Variants in NTNG1 observed in about 807,000 individuals in gnomAD.
NTNG1 encodes netrin-G1.
NTNG1 carries 16 observed loss-of-function variants against 54.0 expected under a neutral mutation model. The ratio of observed to expected loss-of-function variants is 0.30; its 90% confidence interval spans 0.20 to 0.45. NTNG1 has a LOEUF of 0.45. NTNG1 is among the 20% of genes least tolerant of loss of function. The pLI, the probability that NTNG1 is intolerant of heterozygous loss-of-function variation, is 1.00. For synonymous variants in NTNG1, 255 were observed against 263.1 expected (o/e 0.97, Z 0.30); for missense variants, 530 against 678.7 (o/e 0.78, Z 2.43).
intron 1 of NTNG1, among the ~76,000 whole-genome samples, chr1:107,141,735 G>C (rs776827736): frequency 6.6e-6 from 1 of 152,134 alleles, no homozygotes; most frequent in Admixed American, 6.5e-5. Flanking sequence ...TGTTGTGTCC[G>C]GAGCCCAGGC....
chr1:107,248,648 C>T (rs1401723434), intron 2 of NTNG1, among the ~76,000 whole-genome samples: 1 of 152,110 alleles, frequency 6.6e-6, no homozygotes, highest in Admixed American at 6.6e-5. Flanking sequence ...ATTAACCTGT[C>T]GGTTACTATA....
intron 2 of NTNG1, among the ~76,000 whole-genome samples, chr1:107,192,530 C>T (rs901450491): frequency 2.0e-5 from 3 of 152,028 alleles, no homozygotes; most frequent in Non-Finnish European, 4.4e-5. Context: ...GATTCTTTGC[C>T]AGGTTAACCC....
rs574216966 is a variant in NTNG1 at position 107,179,987 on chromosome 1, A to G, written c.246+31148A>G. On this transcript the variant is annotated intron_variant, in intron 2 of 7. Transcript: ENST00000370068. ...TCCACTTTAAAACTCCGGTGTACAC[A>G]CAGGAGCCTTAAATTTGCCCAATTA... Among the ~76,000 whole-genome samples the G allele has an allele frequency of 8.5e-5, 13 of 152,282 alleles. No individual in the cohort carries two copies. In the South Asian group the frequency reaches 2.1e-3, roughly 24 times the overall value.
At chr1:107,310,289 A>G (rs956880951) in intron 2 of NTNG1, among the ~76,000 whole-genome samples, 16 of 152,176 alleles carry the variant, frequency 1.1e-4, no homozygotes, top group African/African-American at 3.9e-4. Context: ...TTATCAAAGT[A>G]GCCCTCTATA....
intron 2 of NTNG1, among the ~76,000 whole-genome samples, chr1:107,290,055 C>A (rs1665481260): frequency 6.6e-6 from 1 of 152,126 alleles, no homozygotes; most frequent in African/African-American, 2.4e-5. Context: ...TATTTCTCTG[C>A]CATATGTATT....
chr1:107,191,356 AT>A (rs1287333437), intron 2 of NTNG1, among the ~76,000 whole-genome samples: 1 of 151,834 alleles, frequency 6.6e-6, no homozygotes, highest in Non-Finnish European at 1.5e-5. Context: ...GGTTGCAAAA[AT>A]TTTCTCCCAT....
chr1:107,307,689 T>C (rs1666770469), intron 2 of NTNG1, among the ~76,000 whole-genome samples: 1 of 152,238 alleles, frequency 6.6e-6, no homozygotes, highest in Non-Finnish European at 1.5e-5. Flanking sequence ...ACTCCATCTT[T>C]GTCCAGTGCT....
At chr1:107,251,884 A>G (rs1333433917) in intron 2 of NTNG1, among the ~76,000 whole-genome samples, 1 of 152,252 alleles carries the variant, frequency 6.6e-6, no homozygotes, top group Non-Finnish European at 1.5e-5. Context: ...TGCTGTTCCT[A>G]TAATCTGTGG....
chr1:107,457,605 A>G (rs1273999907), intron 7 of NTNG1, among the ~76,000 whole-genome samples: 1 of 152,168 alleles, frequency 6.6e-6, no homozygotes, highest in African/African-American at 2.4e-5. Context: ...CCTTTTATTA[A>G]TGATCTAGAA....
chr1:107,275,093 T>C (rs1190363020), intron 2 of NTNG1, among the ~76,000 whole-genome samples: 1 of 152,116 alleles, frequency 6.6e-6, no homozygotes. Context: ...AAGAGATTAA[T>C]TGGCCGGGCA....
At chr1:107,310,896 T>G (rs1666972431) in intron 2 of NTNG1, among the ~76,000 whole-genome samples, 1 of 151,944 alleles carries the variant, frequency 6.6e-6, no homozygotes, top group African/African-American at 2.4e-5. Flanking sequence ...AGACTAGCAA[T>G]ACAAACCTAC....
intron 2 of NTNG1, among the ~76,000 whole-genome samples, chr1:107,187,427 C>A (rs1657546925): frequency 6.6e-6 from 1 of 152,104 alleles, no homozygotes; most frequent in South Asian, 2.1e-4. Context: ...AAGTTGCAAA[C>A]AGTTTAACAA....
intron 1 of NTNG1, among the ~76,000 whole-genome samples, chr1:107,145,250 T>A (rs1654020517): frequency 6.6e-6 from 1 of 152,098 alleles, no homozygotes; most frequent in South Asian, 2.1e-4. Context: ...CATCATTGTA[T>A]TTTCTTTGAA....
At chr1:107,465,115 AACCCAGGTTATTTCCAATT>A (rs1410234347) in intron 7 of NTNG1, among the ~76,000 whole-genome samples, 3 of 152,202 alleles carry the variant, frequency 2.0e-5, no homozygotes, top group Non-Finnish European at 4.4e-5. Context: ...CGTTAATGAA[AACCCAGGTTATTTCCAATT>A]ACAGTCTCAG....
At chr1:107,202,532 CTT>C (rs1415242447) in intron 2 of NTNG1, among the ~76,000 whole-genome samples, 1 of 151,552 alleles carries the variant, frequency 6.6e-6, no homozygotes, top group African/African-American at 2.4e-5. Context: ...TATTTTATTT[CTT>C]TGTTTGCTTT....
chr1:107,290,984 T>TATATTATATATATATATATATATACACAC (rs1160371267), intron 2 of NTNG1, among the ~76,000 whole-genome samples: 1 of 140,024 alleles, frequency 7.1e-6, no homozygotes, highest in African/African-American at 2.8e-5. Flanking sequence ...TATATATATA[T>TATATTATATATATATATATATATACACAC]ACACACACAC....
intron 2 of NTNG1, among the ~76,000 whole-genome samples, chr1:107,273,590 C>G (rs920570552): frequency 6.6e-6 from 1 of 152,186 alleles, no homozygotes; most frequent in Non-Finnish European, 1.5e-5. Flanking sequence ...CCACAGAATG[C>G]CTCATGCGGT....
In NTNG1 at chr1:107,205,628, A is replaced by T. The variant is rs550521022; in HGVS notation, c.246+56789A>T. On this transcript the variant is annotated intron_variant, in intron 2 of 7. Transcript: ENST00000370068. ...AGTGTATAAAGCAGACTTTTTTTTT[A>T]AAAAAAACTATATAATCCGTCTAAC... Among the ~76,000 whole-genome samples, 445 of 146,902 alleles carry T rather than the reference A, an allele frequency of 3.0e-3. 6 individuals are homozygous for T. Among genetic ancestry groups the T allele is most frequent in the African/African-American group, 0.011 (430 of 39,446 alleles).
At chr1:107,160,880 C>T (rs1655350732) in intron 2 of NTNG1, among the ~76,000 whole-genome samples, 2 of 152,122 alleles carry the variant, frequency 1.3e-5, no homozygotes, top group African/African-American at 4.8e-5. Context: ...CTCAAAGGGG[C>T]CTACCTGACC....
Sources: allele counts gnomAD v4.1 joint callset (sites outside exome capture counted in the v4.1 genomes callset), GRCh38; gene constraint gnomAD v4.1.1; transcripts MANE v1.5; gene names NCBI Gene and HGNC (gene_info 2026-07-23, HGNC 2026-07-21).